Variants in B4GALNT1 observed in about 807,000 individuals in gnomAD.
The protein encoded by B4GALNT1 is beta-1,4-N-acetyl-galactosaminyltransferase 1, also known as beta-1,4 N-acetylgalactosaminyltransferase 1.
In B4GALNT1, 43 loss-of-function variants were observed where a neutral mutation model predicts 55.2. That is an observed-to-expected ratio of 0.78 (90% CI 0.61 to 1.00). The LOEUF is 1.00. B4GALNT1 is among the 50% of genes least tolerant of loss of function. B4GALNT1 has a pLI of 0.00. For synonymous variants in B4GALNT1, 305 were observed against 311.6 expected (o/e 0.98, Z 0.22); for missense variants, 664 against 729.7 (o/e 0.91, Z 1.04).
In B4GALNT1 at chr12:57,631,058, T is replaced by C; in HGVS notation, c.412A>G (p.Ile138Val). ...RSQSPADQLL[I>V]APANSPLQYP... ...TGGAGCGGGGAGTTGGCAGGGGCTA[T>C]GAGCAGCTGGTCAGCTGGGGACTGG... Residue 138 changes from isoleucine (I) to valine (V), a missense_variant, in exon 4 of 11, where the codon ATA becomes GTA. By Grantham distance (29) the Ile-to-Val change is conservative. Coordinates refer to ENST00000341156, the MANE Select transcript of B4GALNT1 (RefSeq NM_001478.5). The C allele has an allele frequency of 3.1e-6, 5 of 1,612,632 alleles. No individual in the cohort carries two copies. Among genetic ancestry groups the C allele is most frequent in the Non-Finnish European group, 4.2e-6 (5 of 1,179,452 alleles).
Position 57,624,651 on chromosome 12 carries a change from G to A in B4GALNT1, c.*2093C>T. ...GAGTTGAGGTCGGGGCAGGGGAAGA[G>A]AATGAGGTGCTTGGGGTGACTCTCC... On this transcript the variant is annotated 3_prime_UTR_variant, in exon 11 of 11. Coordinates refer to ENST00000341156, the MANE Select transcript of B4GALNT1 (RefSeq NM_001478.5). 2 of 726,778 alleles carry A rather than the reference G, an allele frequency of 2.8e-6. No homozygotes were observed. The highest frequency in any genetic ancestry group is 3.8e-5 in the Admixed American group (2 of 52,576). 45.0% of individuals were successfully genotyped at this position (726,778 alleles called of 1,614,324 possible).
Position 57,623,688 on chromosome 12 carries a change from A to G in B4GALNT1, c.*3056T>C, listed in dbSNP as rs1444617744. 3.1e-6 allele frequency: 2 copies of G among 648,526 alleles called. No homozygotes were observed. Among genetic ancestry groups the G allele is most frequent in the African/African-American group, 1.8e-5 (1 of 55,186 alleles). The allele number at this position is 648,526 out of a possible 1,614,324, so 40.2% of individuals were successfully genotyped here. Reference sequence around the variant, plus strand: ...AGCGGGAGGGTTAGATGTGAATGGCAGAATATTAAGAAGGGGGTTGTGTGG... The same window carrying G: ...AGCGGGAGGGTTAGATGTGAATGGCGGAATATTAAGAAGGGGGTTGTGTGG... On this transcript the variant is annotated 3_prime_UTR_variant, in exon 11 of 11. Transcript: ENST00000341156.
In B4GALNT1 at chr12:57,626,839, G is replaced by T; in HGVS notation, c.1507C>A (p.Arg503=). The T allele has an allele frequency of 6.2e-7, 1 of 1,614,180 alleles. No homozygotes were observed. Among genetic ancestry groups the T allele is most frequent in the Non-Finnish European group, 8.5e-7 (1 of 1,180,028 alleles). ...TCCAGTGATCCTGGGTAACGGTACCGGGCGTAAGTCTCTGCTCCGGCATCC... is the reference window on the plus strand; with the variant it reads ...TCCAGTGATCCTGGGTAACGGTACCTGGCGTAAGTCTCTGCTCCGGCATCC... The part of the protein sequence containing the change: ...SRDAGAETYA[R]YRYPGSLDES... Residue 503 remains arginine, a synonymous_variant, in exon 11 of 11, where the codon CGG becomes AGG. Coordinates refer to ENST00000341156, the MANE Select transcript of B4GALNT1 (RefSeq NM_001478.5).
chr12:57,629,706 G>C lies in B4GALNT1; in HGVS notation c.712+446C>G, dbSNP rs539029805. ...AAGAGCATTCCAGGCTGAGAAAATA[G>C]AAAGTGCAAAGGCCCTAAGGTGGAA... On this transcript the variant is annotated intron_variant, in intron 6 of 10. Transcript: ENST00000341156. 9 of 1,326,314 alleles carry C rather than the reference G, an allele frequency of 6.8e-6. No homozygotes were observed. The South Asian group carries it at 7.2e-5, about 11-fold the overall frequency. 82.2% of individuals were successfully genotyped at this position (1,326,314 alleles called of 1,614,324 possible).
chr12:57,624,208 A>G lies in B4GALNT1; in HGVS notation c.*2536T>C. 1.0e-6 allele frequency: 1 copy of G among 989,446 alleles called. No homozygotes were observed. Among genetic ancestry groups the G allele is most frequent in the African/African-American group, 1.6e-5 (1 of 61,004 alleles). The allele number at this position is 989,446 out of a possible 1,614,324, so 61.3% of individuals were successfully genotyped here. A position where few individuals can be genotyped will look rare whatever the true frequency, so the allele number is the denominator to read the frequency against. ...TGGTCTTAAGTTCTGCAACCCACCC[A>G]CTCCCCCAGCAAACATAACTCCTAG... On this transcript the variant is annotated 3_prime_UTR_variant, in exon 11 of 11. Transcript: ENST00000341156.
rs1884716711 is a variant in B4GALNT1 at position 57,625,116 on chromosome 12, C to T, written c.*1628G>A. The T allele has an allele frequency of 3.1e-6, 5 of 1,614,036 alleles. No homozygotes were observed. The highest frequency in any genetic ancestry group is 4.2e-6 in the Non-Finnish European group (5 of 1,179,978). ...CGGGAGTGGTGACTGCCCTTCTTTA[C>T]TTATAGGAGACTTCAAAGCCAGATG... On this transcript the variant is annotated 3_prime_UTR_variant, in exon 11 of 11. Coordinates refer to ENST00000341156, the MANE Select transcript of B4GALNT1 (RefSeq NM_001478.5).
chr12:57,625,837 G>A lies in B4GALNT1; in HGVS notation c.*907C>T, dbSNP rs560798594. ...GAAAAGGGTGGGGACGGAATGAATA[G>A]TAGATTGAAGACCAAATCAGGGAGC... is the stretch of plus-strand genomic sequence containing the variant. On this transcript the variant is annotated 3_prime_UTR_variant, in exon 11 of 11. Transcript: ENST00000341156. The A allele has an allele frequency of 1.7e-5, 23 of 1,382,800 alleles. No individual in the cohort carries two copies. In the East Asian group the frequency reaches 5.5e-4, roughly 33 times the overall value. 85.7% of individuals were successfully genotyped at this position (1,382,800 alleles called of 1,614,324 possible).
chr12:57,628,582 C>A, intron 8 of B4GALNT1, 131 bp downstream of exon 8: 1 of 1,151,440 alleles, frequency 8.7e-7, no homozygotes, highest in Non-Finnish European at 1.2e-6. Context: ...TTCCAGGAAT[C>A]CTCATGCTTA....
chr12:57,625,163 T>C lies in B4GALNT1; in HGVS notation c.*1581A>G, dbSNP rs1230195737. 15 of 1,613,796 alleles carry C rather than the reference T, an allele frequency of 9.3e-6. No individual in the cohort carries two copies. The highest frequency in any genetic ancestry group is 1.3e-5 in the Non-Finnish European group (15 of 1,179,974). ...GATGGCCCAATGGTTGCAGGTGAGA[T>C]GGGGTGACAAGAAGGAAGATTTGGG... On this transcript the variant is annotated 3_prime_UTR_variant, in exon 11 of 11. Transcript: ENST00000341156.
At chr12:57,630,814 T>C (rs1010000909) in intron 4 of B4GALNT1, among the ~76,000 whole-genome samples, 166 bp downstream of exon 4, 1 of 152,226 alleles carries the variant, frequency 6.6e-6, no homozygotes, top group East Asian at 1.9e-4. Context: ...CTAGAGTCCC[T>C]TCTGTCCTCA....
chr12:57,624,522 T>G lies in B4GALNT1; in HGVS notation c.*2222A>C, dbSNP rs564493135. 8.0e-6 allele frequency: 5 copies of G among 628,526 alleles called. No individual in the cohort carries two copies. In the Admixed American group the frequency reaches 9.2e-5, roughly 12 times the overall value. The allele number at this position is 628,526 out of a possible 1,614,324, so 38.9% of individuals were successfully genotyped here. A position where few individuals can be genotyped will look rare whatever the true frequency, so the allele number is the denominator to read the frequency against. ...CAGGCTGTGTGGATGGTCACCTGGG[T>G]GGCAGTAGTGACCCTGAGTGTGGAT... On this transcript the variant is annotated 3_prime_UTR_variant, in exon 11 of 11. Transcript: ENST00000341156.
chr12:57,628,444 T>A, intron 8 of B4GALNT1, 182 bp from the exon 9 acceptor site: 1 of 955,760 alleles, frequency 1.0e-6, no homozygotes, highest in Non-Finnish European at 1.5e-6. Flanking sequence ...AAGTCAGTGG[T>A]CTTAGAATGC....
In B4GALNT1 at chr12:57,631,290, C is replaced by T. The variant is rs907866594; in HGVS notation, c.293G>A (p.Arg98Gln). ...AAAGGCCTTGGTGAGGTCAATAGCT[C>T]GGACTTGTTTCTGGAAGGGGAGGGG... ...GLPLPFQKQV[R>Q]AIDLTKAFDP... The change falls in exon 3 of 11, where the codon CGA becomes CAA. Residue 98 changes from arginine to glutamine, a missense_variant. Coordinates refer to ENST00000341156, the MANE Select transcript of B4GALNT1 (RefSeq NM_001478.5). 3 of 1,614,042 alleles carry T rather than the reference C, an allele frequency of 1.9e-6. No homozygotes were observed. The highest frequency in any genetic ancestry group is 1.7e-5 in the Admixed American group (1 of 59,998).
Position 57,628,197 on chromosome 12 carries a change from G to T in B4GALNT1, c.1068C>A (p.Asp356Glu). 6.2e-7 allele frequency: 1 copy of T among 1,614,250 alleles called. No individual in the cohort carries two copies. Among genetic ancestry groups the T allele is most frequent in the African/African-American group, 1.3e-5 (1 of 75,068 alleles). The change falls in exon 9 of 11, where the codon GAC becomes GAA. Residue 356 changes from aspartate (D) to glutamate (E), a missense_variant. Coordinates refer to ENST00000341156, the MANE Select transcript of B4GALNT1 (RefSeq NM_001478.5). ...QVTTKYVLWV[D>E]DDFVFTARTR... ...TCCGCGCCGTGAAGACGAAGTCGTC[G>T]TCCACCCACAGCACGTACTTGGTGG...
intron 10 of B4GALNT1, 88 bp downstream of exon 10, chr12:57,627,530 G>T: frequency 1.4e-6 from 2 of 1,466,326 alleles, no homozygotes; most frequent in South Asian, 1.4e-5. Flanking sequence ...GCTGGGCGCG[G>T]GTGCAGCCTA....
At position 57,627,786 on chromosome 12, in the gene B4GALNT1, C is replaced by T. The variant is rs755430965; in HGVS notation, c.1216G>A (p.Ala406Thr). Residue 406 changes from alanine (A) to threonine (T), a missense_variant, in exon 10 of 11, where the codon GCC (alanine) becomes ACC (threonine). Coordinates refer to ENST00000341156, the MANE Select transcript of B4GALNT1 (RefSeq NM_001478.5). Reference sequence around the variant, plus strand: ...CGGAGGCAGTTCCCGAGGCCTGGGGCGCCGGGCTCCACGCTCAGCAGCTGC... The same window carrying T: ...CGGAGGCAGTTCCCGAGGCCTGGGGTGCCGGGCTCCACGCTCAGCAGCTGC... ...YRQLLSVEPGAPGLGNCLRQR... is the reference protein window; with the variant it reads ...YRQLLSVEPGTPGLGNCLRQR... The T allele has an allele frequency of 6.3e-7, 1 of 1,599,526 alleles. No homozygotes were observed. Among genetic ancestry groups the T allele is most frequent in the Admixed American group, 1.7e-5 (1 of 58,830 alleles).
At position 57,626,537 on chromosome 12, in the gene B4GALNT1, C is replaced by CT; in HGVS notation, c.*206dup. The CT allele has an allele frequency of 3.3e-6, 2 of 604,760 alleles. No individual in the cohort carries two copies. Among genetic ancestry groups the CT allele is most frequent in the Non-Finnish European group, 5.8e-6 (2 of 343,884 alleles). The allele number at this position is 604,760 out of a possible 1,614,324, so 37.5% of individuals were successfully genotyped here. ...GCACTGGCTGTGGGAGAGGTTATGG[C>CT]TCCACCAGGCCTCTGGGCACTGGAA... On this transcript the variant is annotated 3_prime_UTR_variant, in exon 11 of 11. Coordinates refer to ENST00000341156, the MANE Select transcript of B4GALNT1 (RefSeq NM_001478.5).
chr12:57,631,963 T>C lies in B4GALNT1; in HGVS notation c.170A>G (p.Glu57Gly). Residue 57 changes from glutamate to glycine, a missense_variant, in exon 2 of 11, where the codon GAG becomes GGG. Coordinates refer to ENST00000341156, the MANE Select transcript of B4GALNT1 (RefSeq NM_001478.5). ...GACCGGGATGTGTGCGTAGCGGGGC[T>C]CAGGAGCAAGATCTGGCAGCTCGGG... ...RRPELPDLAP[E>G]PRYAHIPVRI... is the part of the protein sequence containing the mutation. The C allele has an allele frequency of 6.9e-7, 1 of 1,456,996 alleles. No homozygotes were observed. The highest frequency in any genetic ancestry group is 9.1e-7 in the Non-Finnish European group (1 of 1,104,750). The allele number at this position is 1,456,996 out of a possible 1,614,324, so 90.3% of individuals were successfully genotyped here.
In B4GALNT1 at chr12:57,625,876, T is replaced by TG; in HGVS notation, c.*867dup. The TG allele has an allele frequency of 9.1e-7, 1 of 1,102,650 alleles. No individual in the cohort carries two copies. The highest frequency in any genetic ancestry group is 1.2e-6 in the Non-Finnish European group (1 of 828,484). 68.3% of individuals were successfully genotyped at this position (1,102,650 alleles called of 1,614,324 possible). ...AAATCAGGGAGCCCGGGCTGAGCTA[T>TG]GGGTGAGGAACTGAAGAACTCAGAT... On this transcript the variant is annotated 3_prime_UTR_variant, in exon 11 of 11. Transcript: ENST00000341156.
Sources: gnomAD v4.1 joint callset for allele counts (sites outside exome capture counted in the v4.1 genomes callset) on GRCh38, gnomAD v4.1.1 for gene constraint, MANE v1.5 for transcripts, NCBI Gene and HGNC (gene_info 2026-07-23, HGNC 2026-07-21) for gene names.